Variants in DOT1L observed in about 807,000 individuals in gnomAD.
DOT1L encodes the protein DOT1 like histone lysine methyltransferase, also known as histone-lysine N-methyltransferase, H3 lysine-79 specific.
A neutral mutation model predicts 153.3 loss-of-function variants in DOT1L; 33 were observed. That is an observed-to-expected ratio of 0.22 (90% CI 0.16 to 0.29). The LOEUF (loss-of-function observed/expected upper bound fraction) is 0.29, where lower values mean the gene tolerates loss of function less well. Ranked by LOEUF, DOT1L falls within the 10% of genes least tolerant of loss-of-function variation. The pLI is 1.00. For synonymous variants in DOT1L, 1,135 were observed against 965.1 expected (o/e 1.18, Z -3.26); for missense variants, 1,847 against 2,119.9 (o/e 0.87, Z 2.53).
intron 6 of DOT1L, among the ~76,000 whole-genome samples, chr19:2,194,128 G>A (rs759626045): frequency 1.3e-5 from 2 of 152,196 alleles, no homozygotes; most frequent in Non-Finnish European, 1.5e-5. Flanking sequence ...CCAGGCAGGC[G>A]CATTGAGGCC....
intron 26 of DOT1L, 65 bp downstream of exon 26, chr19:2,225,517 C>T: frequency 6.5e-7 from 1 of 1,529,892 alleles, no homozygotes; most frequent in Non-Finnish European, 9.1e-7. Flanking sequence ...CCAGTCAGTG[C>T]TGCTGACCCA....
In DOT1L at chr19:2,210,436, G is replaced by T. The variant is rs866975812; in HGVS notation, c.1042G>T (p.Glu348Ter). ...QEAARRRQQR[E>*]SKSNAATPTK... ...GGCAGCCCGGCGCCGCCAGCAGCGC[G>T]AGAGCAAGAGCAACGCGGCCACGCC... Residue 348 changes from glutamate to a stop codon, truncating the protein, a stop_gained, in exon 13 of 28, where the codon GAG becomes TAG. Coordinates refer to ENST00000398665, the MANE Select transcript of DOT1L (RefSeq NM_032482.3). LOFTEE classifies it high-confidence loss of function. 1 of 1,568,036 alleles carries T rather than the reference G, an allele frequency of 6.4e-7. No individual in the cohort carries two copies. The highest frequency in any genetic ancestry group is 8.6e-7 in the Non-Finnish European group (1 of 1,160,414).
At chr19:2,195,838 GAAAC>G (rs1273474134) in intron 7 of DOT1L, among the ~76,000 whole-genome samples, 1 of 152,240 alleles carries the variant, frequency 6.6e-6, no homozygotes, top group African/African-American at 2.4e-5. Flanking sequence ...AGAAGCAACA[GAAAC>G]AAAGTGTTCA....
intron 2 of DOT1L, among the ~76,000 whole-genome samples, chr19:2,182,034 G>T (rs1404174649): frequency 2.6e-5 from 4 of 152,010 alleles, no homozygotes; most frequent in Non-Finnish European, 5.9e-5. Flanking sequence ...ACTGGCCTGG[G>T]CACCTTGGGG....
intron 8 of DOT1L, 90 bp downstream of exon 8, chr19:2,200,029 C>T (rs1244347930): frequency 1.9e-5 from 28 of 1,501,544 alleles, no homozygotes; most frequent in South Asian, 1.2e-4. Flanking sequence ...AGCGGCCCCT[C>T]GCTCCTGTGC....
Position 2,207,707 on chromosome 19 carries a change from C to G in DOT1L, c.963+27C>G, listed in dbSNP as rs2023556935. 6.3e-7 allele frequency: 1 copy of G among 1,583,904 alleles called. No individual in the cohort carries two copies. The highest frequency in any genetic ancestry group is 1.3e-5 in the African/African-American group (1 of 74,098). ...TGAGTATCTCGCTGCGCCTCAGCCG[C>G]AGGGCCGTCCTGGTCTTCCACCCCG... is the stretch of plus-strand genomic sequence containing the variant. On this transcript the variant is annotated intron_variant, in intron 11 of 27. Transcript: ENST00000398665. This position sits in a 1 kb window ranked among gnomAD's most constrained non-coding sequence, Gnocchi z 4.5.
At chr19:2,180,569 A>AC in intron 1 of DOT1L, 144 bp from the exon 2 acceptor site, 1 of 934,120 alleles carries the variant, frequency 1.1e-6, no homozygotes, top group Non-Finnish European at 1.6e-6. Flanking sequence ...CTCTGGTGGT[A>AC]CCCGCTGGGT....
chr19:2,216,816 G>T (rs765958455), intron 20 of DOT1L, 51 bp downstream of exon 20: 1 of 1,559,084 alleles, frequency 6.4e-7, no homozygotes, highest in African/African-American at 1.3e-5. Context: ...TGCCGACTCT[G>T]CCTGGTGTGC....
chr19:2,209,530 C>T (rs1481140579), intron 12 of DOT1L, among the ~76,000 whole-genome samples: 1 of 152,240 alleles, frequency 6.6e-6, no homozygotes. Flanking sequence ...AGCTCCTGGG[C>T]CCCCGCGCCC....
At chr19:2,169,181 G>A (rs116965803) in intron 1 of DOT1L, among the ~76,000 whole-genome samples, 6,345 of 152,214 alleles carry the variant, frequency 0.042, 203 homozygotes, top group East Asian at 0.14. Context: ...TGGGCAGCCA[G>A]CAGTGAGTAG....
At chr19:2,187,916 C>G (rs1415163159) in intron 3 of DOT1L, among the ~76,000 whole-genome samples, 2 of 94,018 alleles carry the variant, frequency 2.1e-5, no homozygotes, top group Non-Finnish European at 4.2e-5. Flanking sequence ...AGCGAGACTC[C>G]ATCTCAGAAA....
intron 2 of DOT1L, among the ~76,000 whole-genome samples, chr19:2,184,685 C>A (rs760834283): frequency 3.2e-4 from 48 of 152,302 alleles, no homozygotes; most frequent in Middle Eastern, 3.4e-3. Flanking sequence ...CATTTCTGGC[C>A]TCTTGGAGGG....
At chr19:2,211,892 G>A (rs1441507516) in intron 16 of DOT1L, 50 bp downstream of exon 16, 26 of 1,499,134 alleles carry the variant, frequency 1.7e-5, no homozygotes, top group South Asian at 2.4e-5. Flanking sequence ...GAGGCAGTTC[G>A]TTCCTGTTCC....
chr19:2,167,924 A>G (rs983614515), intron 1 of DOT1L, among the ~76,000 whole-genome samples: 8 of 151,896 alleles, frequency 5.3e-5, no homozygotes, highest in Non-Finnish European at 8.8e-5. Flanking sequence ...TAGTAGAGAC[A>G]GGGTTTCACC....
At chr19:2,199,797 C>T (rs2023169424) in intron 7 of DOT1L, 87 bp from the exon 8 acceptor site, 6 of 1,476,440 alleles carry the variant, frequency 4.1e-6, no homozygotes, top group Non-Finnish European at 5.5e-6. Flanking sequence ...GAGCTGTGTT[C>T]ATTCCATTCT....
intron 8 of DOT1L, among the ~76,000 whole-genome samples, chr19:2,200,730 C>T (rs2023223478): frequency 6.6e-6 from 1 of 151,526 alleles, no homozygotes; most frequent in African/African-American, 2.4e-5. Flanking sequence ...TCCCCGCATT[C>T]CTCATCTTCC....
chr19:2,179,949 C>T (rs767776047), intron 1 of DOT1L, among the ~76,000 whole-genome samples: 5 of 152,026 alleles, frequency 3.3e-5, no homozygotes, highest in Non-Finnish European at 5.9e-5. Flanking sequence ...GTCCTGGTGG[C>T]GTGCACTTGG....
chr19:2,218,024 G>C (rs2144879138), intron 22 of DOT1L, 106 bp downstream of exon 22: 1 of 1,464,028 alleles, frequency 6.8e-7, no homozygotes, highest in African/African-American at 1.4e-5. Flanking sequence ...GTAAAATGTC[G>C]AGCGTGAGGC....
chr19:2,173,397 G>A (rs1179657655), intron 1 of DOT1L, among the ~76,000 whole-genome samples: 1 of 152,188 alleles, frequency 6.6e-6, no homozygotes, highest in Non-Finnish European at 1.5e-5. Context: ...CAGACCCCAA[G>A]AGAGGAGAGA....
Sources: allele counts gnomAD v4.1 joint callset (sites outside exome capture counted in the v4.1 genomes callset), GRCh38; gene constraint gnomAD v4.1.1; non-coding constraint Gnocchi (gnomAD v3.1); transcripts MANE v1.5; gene names NCBI Gene and HGNC (gene_info 2026-07-23, HGNC 2026-07-21).